The following BMAL2 variants were observed in gnomAD, a reference collection of about 807,000 sequenced individuals.
BMAL2 encodes the protein basic helix-loop-helix ARNT-like protein 2.
the BMAL2 span, among the ~76,000 whole-genome samples, chr12:27,363,742 T>C: frequency 6.6e-6 from 1 of 152,220 alleles, no homozygotes; most frequent in Non-Finnish European, 1.5e-5. Context: ...CTAACAAATA[T>C]CTTTTCCCAG....
At chr12:27,391,330 A>C in the BMAL2 span, among the ~76,000 whole-genome samples, 1 of 152,218 alleles carries the variant, frequency 6.6e-6, no homozygotes, top group Admixed American at 6.5e-5. Flanking sequence ...ACTTAGGATT[A>C]TAGCCTCCAG....
the BMAL2 span, among the ~76,000 whole-genome samples, chr12:27,366,176 TATG>T: frequency 1.3e-3 from 193 of 152,268 alleles, 5 homozygotes; most frequent in South Asian, 0.038. Flanking sequence ...ATGTTTTATG[TATG>T]ATATCAATTT....
the BMAL2 span, among the ~76,000 whole-genome samples, chr12:27,352,456 A>G: frequency 1.3e-5 from 2 of 152,206 alleles, no homozygotes; most frequent in Non-Finnish European, 2.9e-5. Flanking sequence ...CTCAGCCAAC[A>G]TCATACTGAA....
At chr12:27,379,568 G>A in the BMAL2 span, among the ~76,000 whole-genome samples, 1 of 152,106 alleles carries the variant, frequency 6.6e-6, no homozygotes, top group Admixed American at 6.5e-5. Flanking sequence ...GGAGACCAGG[G>A]GAGAATGAGA....
the BMAL2 span, among the ~76,000 whole-genome samples, chr12:27,409,321 A>T: frequency 6.6e-6 from 1 of 151,978 alleles, no homozygotes; most frequent in South Asian, 2.1e-4. Context: ...AGCTGGAGGC[A>T]TCATGCTACC....
At chr12:27,401,862 T>G in the BMAL2 span, among the ~76,000 whole-genome samples, 1 of 152,220 alleles carries the variant, frequency 6.6e-6, no homozygotes, top group African/African-American at 2.4e-5. Flanking sequence ...GCTAAAAGTT[T>G]TCATTTCTGT....
the BMAL2 span, among the ~76,000 whole-genome samples, chr12:27,396,443 A>G: frequency 2.0e-5 from 3 of 152,232 alleles, no homozygotes; most frequent in Admixed American, 6.5e-5. Flanking sequence ...AAGGTTGTGT[A>G]ATTTTTCTAA....
the BMAL2 span, chr12:27,402,790 T>A: frequency 6.2e-6 from 6 of 974,854 alleles, no homozygotes; most frequent in African/African-American, 1.0e-4. Context: ...TTAAAAGTAG[T>A]TCTGCAGGTT....
At chr12:27,372,938 G>T in the BMAL2 span, among the ~76,000 whole-genome samples, 1 of 152,132 alleles carries the variant, frequency 6.6e-6, no homozygotes, top group East Asian at 1.9e-4. Flanking sequence ...CTCCCAAAGT[G>T]CTGGGATTAC....
the BMAL2 span, among the ~76,000 whole-genome samples, chr12:27,334,007 A>G: frequency 2.6e-5 from 4 of 152,264 alleles, no homozygotes; most frequent in African/African-American, 9.6e-5. Flanking sequence ...AGTTCAGGGA[A>G]GCAGTTAATT....
At chr12:27,403,483 G>C in the BMAL2 span, 6 of 1,612,002 alleles carry the variant, frequency 3.7e-6, no homozygotes, top group Non-Finnish European at 5.1e-6. Context: ...TACTGGAACA[G>C]TACTTGGTGC....
chr12:27,380,283 T>G, the BMAL2 span: 14 of 1,614,010 alleles, frequency 8.7e-6, no homozygotes, highest in South Asian at 1.1e-4. Context: ...GGAGGAGAGA[T>G]AAAATGAATA....
the BMAL2 span, chr12:27,385,443 A>G: frequency 5.6e-5 from 79 of 1,405,260 alleles, no homozygotes; most frequent in Non-Finnish European, 7.8e-5. Context: ...TGCCCTCTCT[A>G]CTATATTTCC....
At chr12:27,400,313 A>C in the BMAL2 span, among the ~76,000 whole-genome samples, 4 of 152,206 alleles carry the variant, frequency 2.6e-5, no homozygotes, top group Admixed American at 6.5e-5. Context: ...CATGTAGTAC[A>C]TACAATTTAG....
At chr12:27,415,335 A>AC in the BMAL2 span, among the ~76,000 whole-genome samples, 924 of 152,322 alleles carry the variant, frequency 6.1e-3, 4 homozygotes, top group African/African-American at 0.021. Context: ...ATCGTATTGT[A>AC]CACCTCAATG....
At chr12:27,404,688 G>A in the BMAL2 span, among the ~76,000 whole-genome samples, 181 of 152,286 alleles carry the variant, frequency 1.2e-3, 3 homozygotes, top group Non-Finnish European at 3.4e-4. Context: ...CACAGAAGAC[G>A]GGTGCTTTCT....
At chr12:27,354,446 G>T in the BMAL2 span, among the ~76,000 whole-genome samples, 1 of 152,018 alleles carries the variant, frequency 6.6e-6, no homozygotes, top group African/African-American at 2.4e-5. Context: ...AAGGGTGAGG[G>T]TTAAAAAATT....
chr12:27,377,010 A>G, the BMAL2 span, among the ~76,000 whole-genome samples: 1 of 151,042 alleles, frequency 6.6e-6, no homozygotes, highest in Non-Finnish European at 1.5e-5. Flanking sequence ...CAAAAAAAAA[A>G]AAAAAAAAAA....
the BMAL2 span, among the ~76,000 whole-genome samples, chr12:27,389,521 G>A: frequency 5.3e-5 from 8 of 152,182 alleles, no homozygotes; most frequent in African/African-American, 1.7e-4. Context: ...ATGCTTTGGG[G>A]AAAATATGAG....
Sources: gnomAD v4.1 joint callset for allele counts (sites outside exome capture counted in the v4.1 genomes callset) on GRCh38, gnomAD v4.1.1 for gene constraint, MANE v1.5 for transcripts, NCBI Gene and HGNC (gene_info 2026-07-23, HGNC 2026-07-21) for gene names.